PPP3CC: variants seen among roughly 807,000 people sequenced by gnomAD.
The protein encoded by PPP3CC is serine/threonine-protein phosphatase 2B catalytic subunit gamma isoform.
PPP3CC carries 35 observed loss-of-function variants against 60.3 expected under a neutral mutation model. The ratio of observed to expected loss-of-function variants is 0.58; its 90% confidence interval spans 0.44 to 0.77. The LOEUF is 0.77. PPP3CC is among the 30% of genes least tolerant of loss of function. PPP3CC has a pLI of 0.00. For synonymous variants in PPP3CC, 206 were observed against 224.3 expected (o/e 0.92, Z 0.73); for missense variants, 570 against 628.9 (o/e 0.91, Z 1.00).
At chr8:22,479,560 A>T (rs1837998591) in intron 3 of PPP3CC, among the ~76,000 whole-genome samples, 1 of 152,048 alleles carries the variant, frequency 6.6e-6, no homozygotes, top group Non-Finnish European at 1.5e-5. Flanking sequence ...CCTGGCGAAC[A>T]TGGTGAAACC....
At chr8:22,527,135 G>C in intron 8 of PPP3CC, among the ~76,000 whole-genome samples, 1 of 152,156 alleles carries the variant, frequency 6.6e-6, no homozygotes, top group East Asian at 1.9e-4. Context: ...ACTGTGCAGT[G>C]ACTCCAAAGT....
chr8:22,504,700 T>TTCCC (rs35661790), intron 4 of PPP3CC, among the ~76,000 whole-genome samples: 26 of 146,976 alleles, frequency 1.8e-4, no homozygotes, highest in East Asian at 1.3e-3. Context: ...CCCTCCCTCC[T>TTCCC]TCCCTCCCTC....
chr8:22,461,191 A>G (rs1203010196), intron 1 of PPP3CC, among the ~76,000 whole-genome samples: 1 of 152,198 alleles, frequency 6.6e-6, no homozygotes, highest in Non-Finnish European at 1.5e-5. Context: ...TATTTAGCAA[A>G]CATAGTTCCA....
Position 22,540,795 on chromosome 8 carries a change from A to G in PPP3CC, c.1532A>G (p.His511Arg). The change falls in exon 14 of 14, where the codon CAT (histidine) becomes CGT (arginine). Residue 511 changes from histidine (H) to arginine (R), a missense_variant. Coordinates refer to ENST00000240139, the MANE Select transcript of PPP3CC (RefSeq NM_005605.5). ...AGGAGCGACCAAGGGAAGAAAGCCC[A>G]TTCATGACTTAGAGTCCTGCCGTGG... ...AHRSDQGKKA[H>R]S 1 of 1,609,998 alleles carries G rather than the reference A, an allele frequency of 6.2e-7. No individual in the cohort carries two copies. The highest frequency in any genetic ancestry group is 8.5e-7 in the Non-Finnish European group (1 of 1,178,046).
At chr8:22,459,050 C>G (rs1837288549) in intron 1 of PPP3CC, among the ~76,000 whole-genome samples, 1 of 151,580 alleles carries the variant, frequency 6.6e-6, no homozygotes, top group East Asian at 1.9e-4. Flanking sequence ...AAGTTGACAC[C>G]AGAAATATAC....
intron 1 of PPP3CC, among the ~76,000 whole-genome samples, chr8:22,469,262 CACTT>C (rs1837641468): frequency 2.0e-5 from 3 of 152,004 alleles, no homozygotes; most frequent in Admixed American, 1.3e-4. Flanking sequence ...CATATATTCT[CACTT>C]ATATGTGGGA....
rs199665510 is a variant in PPP3CC, at chr8:22,450,799, T to TTTTATTTA, written c.49+9388_49+9395dup. Among the ~76,000 whole-genome samples the TTTTATTTA allele has an allele frequency of 4.3e-3, 575 of 133,282 alleles. 4 individuals carry two copies. The highest frequency in any genetic ancestry group is 8.3e-3 in the East Asian group (38 of 4,582). The allele number at this position is 133,282 out of a possible 152,430, so 87.4% of individuals were successfully genotyped here. A position where few individuals can be genotyped will look rare whatever the true frequency, so the allele number is the denominator to read the frequency against. On this transcript the variant is annotated intron_variant, in intron 1 of 13. Transcript: ENST00000240139. The stretch of plus-strand genomic sequence containing the variant: ...AACCCTCATCCCCAACCTACTTTAT[T>TTTTATTTA]TTTATTTATTTATTTATTTATTTAT...
chr8:22,503,556 A>G (rs1838823588), intron 4 of PPP3CC, among the ~76,000 whole-genome samples: 1 of 152,070 alleles, frequency 6.6e-6, no homozygotes, highest in South Asian at 2.1e-4. Context: ...ATGGGTATAT[A>G]GTAGGTGTAT....
At chr8:22,461,543 T>TAA (rs749673046) in intron 1 of PPP3CC, among the ~76,000 whole-genome samples, 2 of 152,036 alleles carry the variant, frequency 1.3e-5, no homozygotes, top group East Asian at 3.9e-4. Flanking sequence ...AGGTATGTGG[T>TAA]AAAAAGTCTT....
chr8:22,536,610 T>C (rs1199643492), intron 12 of PPP3CC, among the ~76,000 whole-genome samples: 1 of 152,248 alleles, frequency 6.6e-6, no homozygotes, highest in African/African-American at 2.4e-5. Context: ...CCAAAGTTGA[T>C]AGAAATCTTC....
At chr8:22,494,501 G>A (rs1838504962) in intron 3 of PPP3CC, among the ~76,000 whole-genome samples, 1 of 152,160 alleles carries the variant, frequency 6.6e-6, no homozygotes, top group African/African-American at 2.4e-5. Context: ...TTTTGCTTGT[G>A]TTTTGAGGCT....
intron 3 of PPP3CC, among the ~76,000 whole-genome samples, chr8:22,477,069 A>C (rs1382222080): frequency 6.6e-6 from 1 of 152,220 alleles, no homozygotes; most frequent in Non-Finnish European, 1.5e-5. Context: ...TAAATGTCCA[A>C]GGTCTCTAAA....
intron 3 of PPP3CC, chr8:22,492,573 C>A (rs775423868): frequency 6.3e-5 from 27 of 427,616 alleles, no homozygotes; most frequent in Non-Finnish European, 7.7e-5. Context: ...CCCCCAAGCA[C>A]CAACCCTAGC....
At chr8:22,460,983 C>A (rs935881954) in intron 1 of PPP3CC, among the ~76,000 whole-genome samples, 1 of 152,008 alleles carries the variant, frequency 6.6e-6, no homozygotes, top group Non-Finnish European at 1.5e-5. Flanking sequence ...GTAGCTGGAA[C>A]TACAGGTGTC....
chr8:22,487,511 G>A (rs538468285), intron 3 of PPP3CC, among the ~76,000 whole-genome samples: 1 of 152,134 alleles, frequency 6.6e-6, no homozygotes, highest in Non-Finnish European at 1.5e-5. Context: ...TGTAGTCCCA[G>A]CCACTCAGGA....
At chr8:22,504,620 A>G (rs1586842192) in intron 4 of PPP3CC, among the ~76,000 whole-genome samples, 1 of 152,126 alleles carries the variant, frequency 6.6e-6, no homozygotes, top group Non-Finnish European at 1.5e-5. Context: ...TTTTTGACAT[A>G]TCATTTGTTT....
At chr8:22,476,668 C>T (rs181206569) in intron 3 of PPP3CC, among the ~76,000 whole-genome samples, 181 of 152,296 alleles carry the variant, frequency 1.2e-3, no homozygotes, top group African/African-American at 4.0e-3. Context: ...CACGGTGGCT[C>T]ACGCCTGTAA....
intron 6 of PPP3CC, among the ~76,000 whole-genome samples, chr8:22,514,832 A>G (rs986215079): frequency 6.6e-6 from 1 of 151,236 alleles, no homozygotes; most frequent in African/African-American, 2.4e-5. Flanking sequence ...GGCACCTACC[A>G]CCATGCCTGG....
At chr8:22,523,914 G>C (rs1839473964) in intron 8 of PPP3CC, among the ~76,000 whole-genome samples, 1 of 152,126 alleles carries the variant, frequency 6.6e-6, no homozygotes, top group Non-Finnish European at 1.5e-5. Flanking sequence ...AGCATCTCTG[G>C]ATTAATTATA....
Sources: allele counts gnomAD v4.1 joint callset (sites outside exome capture counted in the v4.1 genomes callset), GRCh38; gene constraint gnomAD v4.1.1; transcripts MANE v1.5; gene names NCBI Gene and HGNC (gene_info 2026-07-23, HGNC 2026-07-21).